Variants in CTDSPL observed in about 807,000 individuals in gnomAD.
CTDSPL encodes the protein CTD small phosphatase like, also known as CTD small phosphatase-like protein.
In CTDSPL, 8 loss-of-function variants were observed where a neutral mutation model predicts 30.5. The ratio of observed to expected loss-of-function variants is 0.26; its 90% CI spans 0.15 to 0.47. The LOEUF is 0.47. Among genes scored for constraint, CTDSPL ranks in the 20% least tolerant of loss-of-function variants. CTDSPL has a pLI of 0.99. For missense variants in CTDSPL, 248 were observed against 366.1 expected, an observed-to-expected ratio of 0.68 and a Z score of 2.63; for synonymous variants, 110 against 137.9, an observed-to-expected ratio of 0.80 and a Z score of 1.42.
At chr3:37,955,109 C>G (rs188509557) in intron 2 of CTDSPL, 1 of 152,376 alleles carries the variant, frequency 6.6e-6, no homozygotes, top group East Asian at 1.9e-4. Context: ...TAGAGCAGAG[C>G]TGAAGACTGA....
chr3:37,900,858 G>A (rs149134436), intron 1 of CTDSPL, among the ~76,000 whole-genome samples: 1,830 of 152,214 alleles, frequency 0.012, 42 homozygotes, highest in African/African-American at 0.041. Flanking sequence ...GAGTGCAGTG[G>A]CACAATCTCG....
intron 1 of CTDSPL, among the ~76,000 whole-genome samples, chr3:37,907,420 T>C (rs1285204290): frequency 2.6e-5 from 4 of 152,256 alleles, no homozygotes; most frequent in African/African-American, 9.6e-5. Context: ...AAATGTCAAG[T>C]GCAATTTTCT....
At chr3:37,898,354 A>C (rs1185934247) in intron 1 of CTDSPL, among the ~76,000 whole-genome samples, 1 of 152,214 alleles carries the variant, frequency 6.6e-6, no homozygotes, top group Non-Finnish European at 1.5e-5. Flanking sequence ...ACTGAAATGT[A>C]TGCTTTCTGG....
chr3:37,896,558 A>T (rs988634712), intron 1 of CTDSPL, among the ~76,000 whole-genome samples: 1 of 152,096 alleles, frequency 6.6e-6, no homozygotes, highest in Admixed American at 6.5e-5. Flanking sequence ...TGTTTTTGAG[A>T]CAGAGTCTTG....
rs1218233887 is a variant in CTDSPL at position 37,862,180 on chromosome 3, G to C, written c.-20G>C. The C allele has an allele frequency of 1.7e-6, 2 of 1,151,110 alleles. No individual in the cohort carries two copies. The highest frequency in any genetic ancestry group is 9.6e-5 in the Admixed American group (2 of 20,728). The allele number at this position is 1,151,110 out of a possible 1,614,324, so 71.3% of individuals were successfully genotyped here. On this transcript the variant is annotated 5_prime_UTR_variant, in exon 1 of 8. Transcript: ENST00000273179. The surrounding 1 kb of genome is among the most constrained non-coding windows in gnomAD (Gnocchi z 4.3). ...CTTGCGGGGGGCCGGGCCTGCGGGC[G>C]GCCGCCGCGCCGCGCACCCATGGAC...
intron 1 of CTDSPL, among the ~76,000 whole-genome samples, chr3:37,915,698 T>C (rs1698637843): frequency 6.6e-6 from 1 of 152,230 alleles, no homozygotes; most frequent in East Asian, 1.9e-4. Context: ...TCTTTAAGCA[T>C]AGTTTTTTTA....
intron 3 of CTDSPL, among the ~76,000 whole-genome samples, chr3:37,964,172 A>C (rs186416331): frequency 6.8e-4 from 103 of 151,874 alleles, no homozygotes; most frequent in Non-Finnish European, 1.0e-3. Context: ...AGTACCTATT[A>C]TAATTAAATA....
chr3:37,971,504 G>A lies in CTDSPL; in HGVS notation c.519+5G>A. ...TTTACTGCCAGCTTGGCCAAGGTGA[G>A]TCCTGCTTCCCAGCCCCACACTCCC... On this transcript the variant is annotated splice_donor_5th_base_variant and intron_variant, in intron 6 of 7. Coordinates refer to ENST00000273179, the MANE Select transcript of CTDSPL (RefSeq NM_001008392.2). 6.2e-7 allele frequency: 1 copy of A among 1,613,576 alleles called. No individual in the cohort carries two copies. Among genetic ancestry groups the A allele is most frequent in the Non-Finnish European group, 8.5e-7 (1 of 1,179,704 alleles).
chr3:37,923,420 G>A (rs908406310), intron 1 of CTDSPL, among the ~76,000 whole-genome samples: 1 of 152,150 alleles, frequency 6.6e-6, no homozygotes, highest in East Asian at 1.9e-4. Context: ...TCTGATCTTG[G>A]CAGAGTGGAA....
At chr3:37,919,860 C>A (rs980818979) in intron 1 of CTDSPL, among the ~76,000 whole-genome samples, 1 of 152,028 alleles carries the variant, frequency 6.6e-6, no homozygotes, top group Non-Finnish European at 1.5e-5. Context: ...AAGTGAAAAG[C>A]CCACAGGATA....
chr3:37,975,564 C>A lies in CTDSPL; in HGVS notation c.520-145C>A. 1 of 665,378 alleles carries A rather than the reference C, an allele frequency of 1.5e-6. No individual in the cohort carries two copies. The highest frequency in any genetic ancestry group is 2.5e-6 in the Non-Finnish European group (1 of 402,154). The allele number at this position is 665,378 out of a possible 1,614,324, so 41.2% of individuals were successfully genotyped here. A position where few individuals can be genotyped will look rare whatever the true frequency, so the allele number is the denominator to read the frequency against. On this transcript the variant is annotated intron_variant, in intron 6 of 7. Transcript: ENST00000273179. The surrounding 1 kb of genome is among the most constrained non-coding windows in gnomAD (Gnocchi z 4.9). Reference sequence around the variant, plus strand: ...AGAATCCAGTGCCATCTTATGTACACGGAGAGGAAAATAACCAGGATCCTA... The same window carrying A: ...AGAATCCAGTGCCATCTTATGTACAAGGAGAGGAAAATAACCAGGATCCTA...
intron 7 of CTDSPL, among the ~76,000 whole-genome samples, chr3:37,977,595 A>G (rs1699443290): frequency 1.3e-5 from 2 of 150,658 alleles, no homozygotes; most frequent in South Asian, 4.2e-4. Flanking sequence ...TTTTGCAAGA[A>G]TATATCATAG....
At chr3:37,962,825 A>G (rs1308555652) in intron 3 of CTDSPL, among the ~76,000 whole-genome samples, 3 of 152,244 alleles carry the variant, frequency 2.0e-5, no homozygotes, top group Admixed American at 2.0e-4. Flanking sequence ...TACAATGAGA[A>G]TGTGTTTTAT....
At chr3:37,936,332 CT>C (rs1245134177) in intron 1 of CTDSPL, among the ~76,000 whole-genome samples, 2 of 152,132 alleles carry the variant, frequency 1.3e-5, no homozygotes, top group Non-Finnish European at 2.9e-5. Context: ...GACTGAGTCT[CT>C]TTTCTAGAAG....
intron 3 of CTDSPL, among the ~76,000 whole-genome samples, chr3:37,958,562 G>C (rs1446119182): frequency 6.6e-6 from 1 of 152,140 alleles, no homozygotes; most frequent in Non-Finnish European, 1.5e-5. Context: ...GCAAAGTTAA[G>C]TGCAGAACAA....
intron 1 of CTDSPL, among the ~76,000 whole-genome samples, chr3:37,899,964 G>T (rs1205500340): frequency 1.3e-5 from 2 of 152,196 alleles, no homozygotes; most frequent in African/African-American, 2.4e-5. Flanking sequence ...GCTTGGATCA[G>T]TGGGGAGACC....
intron 1 of CTDSPL, among the ~76,000 whole-genome samples, chr3:37,915,770 C>T (rs1485884621): frequency 1.3e-5 from 2 of 152,042 alleles, no homozygotes; most frequent in African/African-American, 4.8e-5. Context: ...TTTCTATTGC[C>T]TGTTGTTTTA....
chr3:37,927,631 AAT>A (rs560490951), intron 1 of CTDSPL, among the ~76,000 whole-genome samples: 14,031 of 106,546 alleles, frequency 0.13, 892 homozygotes, highest in African/African-American at 0.2. Context: ...TTAAAAGAAA[AAT>A]ATATGTGTGT....
At chr3:37,871,033 T>C (rs1698065759) in intron 1 of CTDSPL, among the ~76,000 whole-genome samples, 1 of 152,216 alleles carries the variant, frequency 6.6e-6, no homozygotes, top group African/African-American at 2.4e-5. Flanking sequence ...TACAAATGTA[T>C]AATTACATAT....
Sources: gnomAD v4.1 joint callset for allele counts (sites outside exome capture counted in the v4.1 genomes callset) on GRCh38, gnomAD v4.1.1 for gene constraint, Gnocchi (gnomAD v3.1) non-coding constraint, MANE v1.5 for transcripts, NCBI Gene and HGNC (gene_info 2026-07-23, HGNC 2026-07-21) for gene names.